The following PRH1 variants were observed in gnomAD, a reference collection of about 807,000 sequenced individuals.
The protein encoded by PRH1 is proline rich protein HaeIII subfamily 1.
PRH1 carries 7 observed loss-of-function variants against 7.9 expected under a neutral mutation model. The observed-to-expected ratio is 0.89, with a 90% CI of 0.50 to 1.67. The LOEUF (loss-of-function observed/expected upper bound fraction) is 1.67, where lower values mean the gene tolerates loss of function less well. Ranked by LOEUF, PRH1 falls within the 40% of genes most tolerant of loss-of-function variation. PRH1 has a pLI of 0.00. For missense variants in PRH1, 109 were observed against 223.6 expected, an observed-to-expected ratio of 0.49 and a Z score of 3.27; for synonymous variants, 45 against 80.8, an observed-to-expected ratio of 0.56 and a Z score of 2.38.
intron 1 of PRH1, among the ~76,000 whole-genome samples, chr12:11,150,727 G>A (rs1035225180): frequency 3.3e-5 from 5 of 152,086 alleles, no homozygotes; most frequent in South Asian, 2.1e-4. Flanking sequence ...GCTAAATGAC[G>A]AGTTAATGGG....
At chr12:11,157,544 A>T (rs2136444575) in intron 1 of PRH1, among the ~76,000 whole-genome samples, 1 of 152,336 alleles carries the variant, frequency 6.6e-6, no homozygotes, top group South Asian at 2.1e-4. Context: ...CTCTCTTATT[A>T]TACAAATGCT....
chr12:10,906,795 T>G (rs1220272988), intron 2 of PRH1, among the ~76,000 whole-genome samples: 1 of 152,180 alleles, frequency 6.6e-6, no homozygotes, highest in Non-Finnish European at 1.5e-5. Flanking sequence ...CTCTTTTTCT[T>G]TATAAGTTAC....
chr12:11,111,439 C>T (rs936926086), intron 1 of PRH1, among the ~76,000 whole-genome samples: 12 of 152,074 alleles, frequency 7.9e-5, no homozygotes, highest in African/African-American at 2.9e-4. Flanking sequence ...CAAAATAAAT[C>T]ATAACAAACA....
At chr12:10,889,213 T>A (rs1949536494), upstream of PRH1, among the ~76,000 whole-genome samples, 2 of 152,226 alleles carry the variant, frequency 1.3e-5, no homozygotes, top group African/African-American at 4.8e-5. Flanking sequence ...GAAATTCTCC[T>A]AGGTTTCTAG....
At chr12:11,130,128 G>T (rs1343221734) in intron 1 of PRH1, among the ~76,000 whole-genome samples, 2 of 152,168 alleles carry the variant, frequency 1.3e-5, no homozygotes, top group Non-Finnish European at 2.9e-5. Context: ...TCCAGCCTCA[G>T]GGACAGAAAG....
intron 1 of PRH1, among the ~76,000 whole-genome samples, chr12:11,124,892 C>A (rs1251223727): frequency 6.6e-6 from 1 of 150,894 alleles, no homozygotes; most frequent in Non-Finnish European, 1.5e-5. Context: ...ACCCAGGCTG[C>A]AGTGCAATGG....
At chr12:10,964,821 T>C (rs551098468) in intron 2 of PRH1, 7 of 562,446 alleles carry the variant, frequency 1.2e-5, no homozygotes, top group Non-Finnish European at 2.3e-5. Context: ...GTGGTTACAG[T>C]CATATCTGAA....
At chr12:11,053,980 C>T (rs1943257368) in intron 1 of PRH1, among the ~76,000 whole-genome samples, 1 of 152,114 alleles carries the variant, frequency 6.6e-6, no homozygotes, top group Admixed American at 6.5e-5. Context: ...TCCATCACAT[C>T]CAGCTAATTT....
intron 1 of PRH1, among the ~76,000 whole-genome samples, chr12:10,990,351 G>T (rs1157812214): frequency 3.3e-5 from 5 of 152,202 alleles, no homozygotes; most frequent in Non-Finnish European, 7.4e-5. Context: ...GATGTTTGAT[G>T]AGTGATAGTG....
chr12:11,140,299 A>C (rs1327601243), intron 1 of PRH1, among the ~76,000 whole-genome samples: 1 of 152,178 alleles, frequency 6.6e-6, no homozygotes, highest in Non-Finnish European at 1.5e-5. Flanking sequence ...TTGAAATATA[A>C]AAATAGACAA....
chr12:11,077,899 T>G, intron 1 of PRH1: 1 of 986,946 alleles, frequency 1.0e-6, no homozygotes, highest in Non-Finnish European at 1.6e-6. Flanking sequence ...AAAAATAAGG[T>G]TGGAGAAATT....
At chr12:10,907,150 T>G (rs1178814495) in intron 2 of PRH1, among the ~76,000 whole-genome samples, 1 of 152,214 alleles carries the variant, frequency 6.6e-6, no homozygotes, top group Non-Finnish European at 1.5e-5. Flanking sequence ...CTGGCAATAG[T>G]ATGAAATGGT....
intron 1 of PRH1, chr12:11,171,336 G>A: frequency 2.4e-6 from 3 of 1,228,926 alleles, no homozygotes; most frequent in Non-Finnish European, 3.0e-6. Context: ...CAGACGCTGG[G>A]CGGGCGGCGA....
intron 1 of PRH1, among the ~76,000 whole-genome samples, chr12:11,129,343 G>T (rs114958752): frequency 2.0e-5 from 3 of 152,164 alleles, no homozygotes; most frequent in African/African-American, 7.2e-5. Flanking sequence ...CAGCTGGCAG[G>T]ACTCTCACAT....
At chr12:11,043,546 G>C (rs1942795112) in intron 1 of PRH1, among the ~76,000 whole-genome samples, 1 of 152,074 alleles carries the variant, frequency 6.6e-6, no homozygotes, top group Admixed American at 6.5e-5. Flanking sequence ...TATAAAACCT[G>C]AAGACTGTAC....
At chr12:11,010,471 C>T (rs1218112140) in intron 1 of PRH1, among the ~76,000 whole-genome samples, 1 of 151,818 alleles carries the variant, frequency 6.6e-6, no homozygotes, top group African/African-American at 2.4e-5. Flanking sequence ...TAGACAAACA[C>T]CCTCAGGTAA....
intron 1 of PRH1, among the ~76,000 whole-genome samples, chr12:11,008,935 A>G (rs1940951201): frequency 6.6e-6 from 1 of 151,998 alleles, no homozygotes; most frequent in Non-Finnish European, 1.5e-5. Context: ...GACATAGAAA[A>G]GTCCAAAAAA....
rs1354710267 is a variant in PRH1 at position 11,071,427 on chromosome 12, A to G, written n.124-24239T>C. 4.6e-5 allele frequency among the ~76,000 whole-genome samples: 7 copies of G among 152,324 alleles called. 1 individual carries two copies. In the South Asian group the frequency reaches 1.4e-3, roughly 32 times the overall value. On this transcript the variant is annotated intron_variant and non_coding_transcript_variant, in intron 1 of 4. Transcript: ENST00000541977. ...CTTGGAAGACCAAAAGTTTTTGCATAACTTCAGATAGTTTGGCTGAAGGCA... is the reference window on the plus strand; with the variant it reads ...CTTGGAAGACCAAAAGTTTTTGCATGACTTCAGATAGTTTGGCTGAAGGCA...
chr12:10,888,390 T>A (rs76805209), upstream of PRH1, among the ~76,000 whole-genome samples: 151 of 152,346 alleles, frequency 9.9e-4, 1 homozygote, highest in South Asian at 2.7e-3. Context: ...CATCTAGACC[T>A]GGTTTGGCTC....
Sources: allele counts gnomAD v4.1 joint callset (sites outside exome capture counted in the v4.1 genomes callset), GRCh38; gene constraint gnomAD v4.1.1; transcripts MANE v1.5; gene names NCBI Gene and HGNC (gene_info 2026-07-23, HGNC 2026-07-21).